The following SCN2A variants were observed in gnomAD, a reference collection of about 807,000 sequenced individuals.
The protein encoded by SCN2A is sodium channel protein type 2 subunit alpha.
In SCN2A, 20 loss-of-function variants were observed where a neutral mutation model predicts 188.7. The observed-to-expected ratio is 0.11, with a 90% CI of 0.07 to 0.15. The LOEUF (loss-of-function observed/expected upper bound fraction) is 0.15. Among genes scored for constraint, SCN2A ranks in the 10% least tolerant of loss-of-function variants. The pLI, the probability that SCN2A is intolerant of heterozygous loss-of-function variation, is 1.00. For synonymous variants in SCN2A, 804 were observed against 833.1 expected, an observed-to-expected ratio of 0.97 and a Z score of 0.60; for missense variants, 1,278 against 2,445.0, an observed-to-expected ratio of 0.52 and a Z score of 10.07.
intron 7 of SCN2A, 62 bp downstream of exon 7, chr2:165,310,657 A>G: frequency 8.6e-7 from 1 of 1,168,204 alleles, no homozygotes; most frequent in Non-Finnish European, 1.2e-6. Context: ...TATTATATAT[A>G]ATGGAAATTA....
In SCN2A at chr2:165,323,920, T is replaced by A. The variant is rs1698215112; in HGVS notation, c.2016+420T>A. Among the ~76,000 whole-genome samples, 3 of 152,376 alleles carry A rather than the reference T, an allele frequency of 2.0e-5. No homozygotes were observed. In the South Asian group the frequency reaches 6.2e-4, roughly 32 times the overall value. On this transcript the variant is annotated intron_variant, in intron 12 of 26. Transcript: ENST00000375437. Reference sequence around the variant, plus strand: ...TACTTCCACTTGCAGTAGATACTATTACTAAATAGATTTAAATCCCATAGT... The same window carrying A: ...TACTTCCACTTGCAGTAGATACTATAACTAAATAGATTTAAATCCCATAGT...
chr2:165,354,731 T>C (rs1700095242), intron 17 of SCN2A, 60 bp downstream of exon 17: 1 of 1,551,026 alleles, frequency 6.4e-7, no homozygotes, highest in African/African-American at 1.4e-5. Context: ...TTTAAAATTA[T>C]CAGGTGTTTT....
intron 16 of SCN2A, among the ~76,000 whole-genome samples, chr2:165,350,084 T>C (rs1405962484): frequency 6.6e-6 from 1 of 152,122 alleles, no homozygotes; most frequent in African/African-American, 2.4e-5. Context: ...ATTCTTAGTT[T>C]CCAGACACGA....
At chr2:165,294,040 A>ATATTT in intron 1 of SCN2A, 3 of 629,748 alleles carry the variant, frequency 4.8e-6, no homozygotes, top group Non-Finnish European at 5.6e-6. Context: ...AAAAAAAAAG[A>ATATTT]TTTTTTTTTT....
chr2:165,367,213 T>G lies in SCN2A; in HGVS notation c.3521-4T>G. 2 of 1,614,060 alleles carry G rather than the reference T, an allele frequency of 1.2e-6. No homozygotes were observed. Among genetic ancestry groups the G allele is most frequent in the Non-Finnish European group, 1.7e-6 (2 of 1,179,980 alleles). ...TGTCTTCATTTTTTTCCCACATATTTTAGACTGTGTACGGAAGTTCAAGTG... is the reference window on the plus strand; with the variant it reads ...TGTCTTCATTTTTTTCCCACATATTGTAGACTGTGTACGGAAGTTCAAGTG... On this transcript the variant is annotated splice_polypyrimidine_tract_variant and splice_region_variant and intron_variant, in intron 18 of 26. Transcript: ENST00000375437.
intron 11 of SCN2A, among the ~76,000 whole-genome samples, chr2:165,315,998 C>A (rs1452064797): frequency 2.0e-5 from 3 of 152,098 alleles, no homozygotes; most frequent in Non-Finnish European, 4.4e-5. Flanking sequence ...TTGAGGTTTT[C>A]TTAAAGACTG....
At chr2:165,337,123 A>T (rs1384531417) in intron 14 of SCN2A, among the ~76,000 whole-genome samples, 1 of 152,008 alleles carries the variant, frequency 6.6e-6, no homozygotes, top group African/African-American at 2.4e-5. Context: ...AAAAATGAAA[A>T]CTGTAAAAAG....
At chr2:165,379,325 CAT>C (rs1215402512) in intron 23 of SCN2A, among the ~76,000 whole-genome samples, 1 of 151,672 alleles carries the variant, frequency 6.6e-6, no homozygotes, top group African/African-American at 2.4e-5. Flanking sequence ...AAACTAGACA[CAT>C]ACTATAATTC....
chr2:165,307,722 A>AAT, intron 3 of SCN2A, 126 bp from the exon 4 acceptor site: 1 of 747,164 alleles, frequency 1.3e-6, no homozygotes, highest in South Asian at 1.5e-5. Context: ...AAGGGTCAAT[A>AAT]ATAGAATAAT....
intron 25 of SCN2A, among the ~76,000 whole-genome samples, chr2:165,386,188 G>T (rs1011161879): frequency 6.6e-6 from 1 of 152,050 alleles, no homozygotes; most frequent in Non-Finnish European, 1.5e-5. Flanking sequence ...ATTTGAGGCT[G>T]GGCATGGTGG....
chr2:165,314,976 T>C (rs956921017), intron 10 of SCN2A, among the ~76,000 whole-genome samples: 1 of 152,196 alleles, frequency 6.6e-6, no homozygotes, highest in Non-Finnish European at 1.5e-5. Flanking sequence ...TGTGCATTTC[T>C]TAGTGAAATA....
chr2:165,346,193 T>C (rs1358565881), intron 16 of SCN2A, among the ~76,000 whole-genome samples: 2 of 152,128 alleles, frequency 1.3e-5, no homozygotes. Context: ...TGTCTTGGGG[T>C]TGCTTTTCTC....
At chr2:165,354,720 G>T in intron 17 of SCN2A, 49 bp downstream of exon 17, 1 of 1,583,580 alleles carries the variant, frequency 6.3e-7, no homozygotes, top group Non-Finnish European at 8.6e-7. Flanking sequence ...TAATTCTGTT[G>T]TTTAAAATTA....
At chr2:165,246,094 C>T (rs919232655) in intron 1 of SCN2A, among the ~76,000 whole-genome samples, 2 of 152,120 alleles carry the variant, frequency 1.3e-5, no homozygotes, top group African/African-American at 4.8e-5. Context: ...CAAACCTAGA[C>T]TCACAGCATC....
chr2:165,293,647 G>C (rs1038607966), intron 1 of SCN2A, among the ~76,000 whole-genome samples: 1 of 152,160 alleles, frequency 6.6e-6, no homozygotes, highest in African/African-American at 2.4e-5. Flanking sequence ...GTGCACTACT[G>C]TACTTTCTCT....
chr2:165,375,078 A>T (rs1439802832), intron 22 of SCN2A, 112 bp downstream of exon 22: 1 of 907,712 alleles, frequency 1.1e-6, no homozygotes, highest in Non-Finnish European at 1.7e-6. Flanking sequence ...AAACAGATAA[A>T]TGACAATAAA....
chr2:165,294,771 T>G (rs1331987964), intron 1 of SCN2A, among the ~76,000 whole-genome samples: 1 of 152,226 alleles, frequency 6.6e-6, no homozygotes, highest in East Asian at 1.9e-4. Flanking sequence ...TCTTTTGAGT[T>G]ATCTACTTTA....
intron 3 of SCN2A, among the ~76,000 whole-genome samples, chr2:165,304,986 AC>A (rs1697038763): frequency 6.6e-6 from 1 of 152,216 alleles, no homozygotes; most frequent in East Asian, 1.9e-4. Context: ...GAATTTGGAA[AC>A]ATCAGTTTAG....
At chr2:165,271,992 T>G (rs1228250697) in intron 1 of SCN2A, 1 of 152,098 alleles carries the variant, frequency 6.6e-6, no homozygotes, top group Non-Finnish European at 1.5e-5. Context: ...GTTCCTAAGT[T>G]TTAACTAGTA....
Sources: allele counts gnomAD v4.1 joint callset (sites outside exome capture counted in the v4.1 genomes callset), GRCh38; gene constraint gnomAD v4.1.1; transcripts MANE v1.5; gene names NCBI Gene and HGNC (gene_info 2026-07-23, HGNC 2026-07-21).